ZNF43: variants seen among roughly 807,000 people sequenced by gnomAD.
ZNF43 encodes the protein zinc finger protein 43, also known as zinc finger protein 39-like 1 (KOX 27).
ZNF43 carries 44 observed loss-of-function variants against 68.4 expected under a neutral mutation model. The ratio of observed to expected loss-of-function variants is 0.64; its 90% CI spans 0.51 to 0.83. ZNF43 has a LOEUF of 0.83. ZNF43 is among the 40% of genes least tolerant of loss of function. The probability of loss-of-function intolerance (pLI) is 0.00; values close to 1 mark genes in which losing one functional copy is unlikely to be tolerated. For missense variants in ZNF43, 896 were observed against 933.2 expected, an observed-to-expected ratio of 0.96 and a Z score of 0.52; for synonymous variants, 308 against 307.8, an observed-to-expected ratio of 1.00 and a Z score of -0.01.
chr19:21,844,921 A>AAAAAAAAAAAATATATATATAT (rs1310761266), intron 1 of ZNF43, among the ~76,000 whole-genome samples: 3 of 26,046 alleles, frequency 1.2e-4, no homozygotes, highest in African/African-American at 4.4e-4. Flanking sequence ...AAAAAAAAAA[A>AAAAAAAAAAAATATATATATAT]ATATATATAT....
intron 2 of ZNF43, 116 bp from the exon 3 acceptor site, chr19:21,818,102 A>G: frequency 8.5e-7 from 1 of 1,180,958 alleles, no homozygotes; most frequent in Non-Finnish European, 1.2e-6. Flanking sequence ...ATCCCAAAAT[A>G]CTAATTTTTT....
Position 21,809,654 on chromosome 19 carries a change from C to T in ZNF43, c.383G>A (p.Arg128Lys), listed in dbSNP as rs751837195. 6.2e-7 allele frequency: 1 copy of T among 1,613,498 alleles called. No homozygotes were observed. The highest frequency in any genetic ancestry group is 2.2e-5 in the East Asian group (1 of 44,836). Reference protein sequence around the residue: ...HKSVDECKVHRGGYNGFNQCL... With the variant: ...HKSVDECKVHKGGYNGFNQCL... ...TTGGTTAAATCCATTATAACCTCCT[C>T]TGTGCACCTTACACTCATCCACACT... Residue 128 changes from arginine (R) to lysine (K), a missense_variant, in exon 4 of 4, where the codon AGA (arginine) becomes AAA (lysine). Physicochemically the swap from Arg to Lys is conservative, Grantham distance 26. Coordinates refer to ENST00000354959, the MANE Select transcript of ZNF43 (RefSeq NM_003423.4).
At chr19:21,811,997 A>G in intron 3 of ZNF43, 1 of 398,702 alleles carries the variant, frequency 2.5e-6, no homozygotes, top group Non-Finnish European at 4.4e-6. Context: ...AAATTTAACT[A>G]CACTATACCT....
At chr19:21,828,277 G>A (rs1247430099) in intron 1 of ZNF43, among the ~76,000 whole-genome samples, 1 of 152,158 alleles carries the variant, frequency 6.6e-6, no homozygotes, top group African/African-American at 2.4e-5. Flanking sequence ...GTATGAGTAA[G>A]AATATTAAAA....
intron 3 of ZNF43, among the ~76,000 whole-genome samples, chr19:21,812,849 C>A (rs931580411): frequency 6.6e-6 from 1 of 151,606 alleles, no homozygotes; most frequent in Non-Finnish European, 1.5e-5. Flanking sequence ...TACCCTGAGG[C>A]TGAGGCAGGA....
intron 1 of ZNF43, among the ~76,000 whole-genome samples, chr19:21,823,860 C>T (rs147765073): frequency 2.6e-5 from 4 of 152,232 alleles, no homozygotes; most frequent in African/African-American, 4.8e-5. Flanking sequence ...TGAGCCACCA[C>T]ATCCAGCCTC....
intron 1 of ZNF43, among the ~76,000 whole-genome samples, chr19:21,829,254 CAAAA>C (rs200282036): frequency 6.6e-6 from 1 of 151,168 alleles, no homozygotes; most frequent in Non-Finnish European, 1.5e-5. Context: ...ACACCACACA[CAAAA>C]AAAACTACAC....
intron 1 of ZNF43, among the ~76,000 whole-genome samples, chr19:21,821,138 ATTT>A (rs74174043): frequency 0.05 from 5,914 of 118,446 alleles, 294 homozygotes; most frequent in African/African-American, 0.14. Context: ...CCCGGCTGTA[ATTT>A]TTTTTTTTTT....
At chr19:21,844,845 C>T (rs1163639838) in intron 1 of ZNF43, among the ~76,000 whole-genome samples, 9 of 134,466 alleles carry the variant, frequency 6.7e-5, no homozygotes, top group East Asian at 2.2e-4. Context: ...TGCAGTGAGC[C>T]GAGATTGCTC....
At chr19:21,840,553 TGA>T (rs1050223363), upstream of ZNF43, 4 of 152,170 alleles carry the variant, frequency 2.6e-5, no homozygotes, top group African/African-American at 7.2e-5. Flanking sequence ...AATCTTGGTT[TGA>T]GAGTCACCAG....
intron 3 of ZNF43, among the ~76,000 whole-genome samples, chr19:21,814,911 G>A (rs575513083): frequency 5.3e-5 from 8 of 152,052 alleles, no homozygotes; most frequent in Non-Finnish European, 8.8e-5. Context: ...TGCAAGGCCA[G>A]GCACAGTGGC....
chr19:21,820,334 C>T (rs949447723), intron 1 of ZNF43, among the ~76,000 whole-genome samples: 3 of 96,146 alleles, frequency 3.1e-5, no homozygotes, highest in African/African-American at 1.8e-4. Context: ...AATCCCAGCA[C>T]TTTGGGAGGT....
At chr19:21,836,330 TG>T, upstream of ZNF43, 1 of 1,104,652 alleles carries the variant, frequency 9.1e-7, no homozygotes, top group Non-Finnish European at 1.2e-6. Flanking sequence ...GACGCTGGGC[TG>T]AAAGAAGAAA....
chr19:21,843,984 A>C (rs1209300898), intron 1 of ZNF43, among the ~76,000 whole-genome samples: 1 of 151,976 alleles, frequency 6.6e-6, no homozygotes, highest in Non-Finnish European at 1.5e-5. Flanking sequence ...TGCGCATATG[A>C]GTATAACAAT....
At chr19:21,842,756 G>A (rs766108083) in intron 1 of ZNF43, among the ~76,000 whole-genome samples, 1 of 152,172 alleles carries the variant, frequency 6.6e-6, no homozygotes. Flanking sequence ...CTGTGGACAA[G>A]TTTCAGAGAC....
chr19:21,812,647 T>C (rs2037334037), intron 3 of ZNF43, among the ~76,000 whole-genome samples: 1 of 151,822 alleles, frequency 6.6e-6, no homozygotes, highest in Admixed American at 6.6e-5. Context: ...CTGTTGATGA[T>C]GCAATAAAAA....
chr19:21,826,891 A>T (rs1196962839), intron 1 of ZNF43: 1 of 152,490 alleles, frequency 6.6e-6, no homozygotes, highest in Non-Finnish European at 1.5e-5. Context: ...GATAACTCCG[A>T]GAGTTTTCAT....
intron 1 of ZNF43, among the ~76,000 whole-genome samples, chr19:21,834,786 AAGGAAGG>A (rs1325221416): frequency 6.6e-6 from 1 of 151,576 alleles, no homozygotes; most frequent in African/African-American, 2.4e-5. Flanking sequence ...GGAAGGAAGG[AAGGAAGG>A]AAAGAAAGAA....
chr19:21,824,868 C>T (rs1427708649), intron 1 of ZNF43, among the ~76,000 whole-genome samples: 1 of 151,804 alleles, frequency 6.6e-6, no homozygotes, highest in African/African-American at 2.4e-5. Context: ...GGAATGTAAA[C>T]TTTAGCAGCA....
Sources: gnomAD v4.1 joint callset for allele counts (sites outside exome capture counted in the v4.1 genomes callset) on GRCh38, gnomAD v4.1.1 for gene constraint, MANE v1.5 for transcripts, NCBI Gene and HGNC (gene_info 2026-07-23, HGNC 2026-07-21) for gene names.